Variants in KCNMA1 observed in about 807,000 individuals in gnomAD.
The protein encoded by KCNMA1 is potassium calcium-activated channel subfamily M alpha 1.
In KCNMA1, 29 loss-of-function variants were observed where a neutral mutation model predicts 140.0. The ratio of observed to expected loss-of-function variants is 0.21; its 90% CI spans 0.15 to 0.28. The LOEUF (loss-of-function observed/expected upper bound fraction) is 0.28. KCNMA1 is among the 10% of genes least tolerant of loss of function. The pLI is 1.00. For synonymous variants in KCNMA1, 612 were observed against 611.9 expected (o/e 1.00, Z 0.00); for missense variants, 880 against 1,602.2 (o/e 0.55, Z 7.70).
intron 14 of KCNMA1, among the ~76,000 whole-genome samples, chr10:77,044,318 A>G (rs759176398): frequency 6.6e-6 from 1 of 152,070 alleles, no homozygotes; most frequent in African/African-American, 2.4e-5. Context: ...AAAAGTGTAC[A>G]TTTCTCATAC....
At chr10:77,630,289 A>G (rs2093028280) in intron 1 of KCNMA1, among the ~76,000 whole-genome samples, 1 of 152,162 alleles carries the variant, frequency 6.6e-6, no homozygotes, top group Admixed American at 6.5e-5. Flanking sequence ...GCAAGGAGGT[A>G]GTTTGGCTGG....
chr10:76,885,304 T>C lies in KCNMA1; in HGVS notation c.*1962A>G, dbSNP rs1203793146. ...GTTATACATAATATAAATCAATATA[T>C]AGAGGGACAAAAATAATTTGAAAAA... On this transcript the variant is annotated 3_prime_UTR_variant, in exon 28 of 28. Transcript: ENST00000286628. The C allele has an allele frequency of 6.0e-6, 5 of 833,692 alleles. No individual in the cohort carries two copies. The highest frequency in any genetic ancestry group is 5.8e-6 in the Non-Finnish European group (4 of 693,524). The allele number at this position is 833,692 out of a possible 1,614,324, so 51.6% of individuals were successfully genotyped here.
chr10:76,877,270 T>G (rs868051972), downstream of KCNMA1: 5 of 155,582 alleles, frequency 3.2e-5, no homozygotes, highest in Admixed American at 3.2e-4. Context: ...CATGTATACA[T>G]CATTGGCCAT....
At chr10:77,350,880 C>T (rs918333499) in intron 2 of KCNMA1, 1 of 152,184 alleles carries the variant, frequency 6.6e-6, no homozygotes, top group African/African-American at 2.4e-5. Context: ...TCACCGGTGA[C>T]TCAGTGGTTG....
intron 3 of KCNMA1, among the ~76,000 whole-genome samples, chr10:77,218,285 G>GCCATTTAAA (rs768527745): frequency 2.0e-5 from 3 of 152,098 alleles, no homozygotes; most frequent in South Asian, 2.1e-4. Context: ...ACCCATACAG[G>GCCATTTAAA]CCATTTAAAC....
At chr10:77,529,589 A>G (rs891553918) in intron 1 of KCNMA1, among the ~76,000 whole-genome samples, 1 of 152,192 alleles carries the variant, frequency 6.6e-6, no homozygotes, top group African/African-American at 2.4e-5. Context: ...CAGAGAAATT[A>G]TATAAATAAC....
chr10:77,534,386 G>A (rs982480671), intron 1 of KCNMA1, among the ~76,000 whole-genome samples: 2 of 152,164 alleles, frequency 1.3e-5, no homozygotes, highest in African/African-American at 4.8e-5. Flanking sequence ...CAGAGCTAAA[G>A]AAGTTGAAAT....
chr10:77,130,131 G>T (rs1461868345), intron 5 of KCNMA1, among the ~76,000 whole-genome samples: 1 of 152,094 alleles, frequency 6.6e-6, no homozygotes, highest in African/African-American at 2.4e-5. Context: ...AAATAAAGTA[G>T]AAATGGCCCT....
chr10:77,324,129 T>G (rs1458068496), intron 2 of KCNMA1, among the ~76,000 whole-genome samples: 1 of 152,198 alleles, frequency 6.6e-6, no homozygotes, highest in African/African-American at 2.4e-5. Flanking sequence ...TGCAAGCCAC[T>G]GTGGGCTACT....
rs2037166800 is a variant in KCNMA1, at chr10:76,886,764, T to G, written c.*502A>C. The G allele has an allele frequency of 9.8e-7, 1 of 1,024,934 alleles. No homozygotes were observed. Among genetic ancestry groups the G allele is most frequent in the Non-Finnish European group, 1.2e-6 (1 of 853,244 alleles). 63.5% of individuals were successfully genotyped at this position (1,024,934 alleles called of 1,614,324 possible). ...CAGAGACTGGAAACAATCAATATGT[T>G]TTCATTGCTGTTTGGTTGCTTGTTT... On this transcript the variant is annotated 3_prime_UTR_variant, in exon 28 of 28. Coordinates refer to ENST00000286628, the MANE Select transcript of KCNMA1 (RefSeq NM_001161352.2).
At chr10:77,585,082 C>T (rs1365025836) in intron 1 of KCNMA1, among the ~76,000 whole-genome samples, 10 of 152,236 alleles carry the variant, frequency 6.6e-5, no homozygotes, top group Non-Finnish European at 1.5e-5. Context: ...CATAGCAGAT[C>T]TTTTGTACTT....
At chr10:76,924,498 A>C (rs1164209613) in intron 23 of KCNMA1, among the ~76,000 whole-genome samples, 1 of 152,138 alleles carries the variant, frequency 6.6e-6, no homozygotes. Context: ...AATGAAAAAA[A>C]TTTTTTAAAT....
chr10:77,597,895 C>G (rs1009675636), intron 1 of KCNMA1, among the ~76,000 whole-genome samples: 3 of 152,198 alleles, frequency 2.0e-5, no homozygotes, highest in Non-Finnish European at 4.4e-5. Context: ...CAGGGAGGAA[C>G]TTTATCCTGT....
At chr10:77,114,243 T>C (rs2097396078) in intron 6 of KCNMA1, among the ~76,000 whole-genome samples, 1 of 152,078 alleles carries the variant, frequency 6.6e-6, no homozygotes. Flanking sequence ...CATTTTGAGG[T>C]CCCTAAGAGC....
intron 5 of KCNMA1, among the ~76,000 whole-genome samples, chr10:77,178,345 G>T (rs926328736): frequency 2.0e-5 from 3 of 152,144 alleles, no homozygotes; most frequent in Admixed American, 2.0e-4. Flanking sequence ...TAGAAAACTG[G>T]CTGGTGAGTG....
At chr10:77,610,342 C>T (rs1485173205) in intron 1 of KCNMA1, among the ~76,000 whole-genome samples, 3 of 152,244 alleles carry the variant, frequency 2.0e-5, no homozygotes, top group African/African-American at 7.2e-5. Flanking sequence ...TTTCCCAGGG[C>T]TTCAGACAGT....
intron 18 of KCNMA1, among the ~76,000 whole-genome samples, chr10:77,002,818 G>T (rs552162447): frequency 6.6e-6 from 1 of 152,160 alleles, no homozygotes; most frequent in Non-Finnish European, 1.5e-5. Context: ...CTTCTCTCAC[G>T]AGGTGGGAGA....
At chr10:77,398,591 G>A (rs949278756) in intron 2 of KCNMA1, among the ~76,000 whole-genome samples, 5 of 152,114 alleles carry the variant, frequency 3.3e-5, no homozygotes, top group African/African-American at 1.2e-4. Flanking sequence ...ATGAATTCTG[G>A]ACATCAGGCC....
At chr10:77,502,987 C>G (rs1031711951) in intron 1 of KCNMA1, among the ~76,000 whole-genome samples, 2 of 152,168 alleles carry the variant, frequency 1.3e-5, no homozygotes, top group Non-Finnish European at 2.9e-5. Context: ...TGTGGCGGCA[C>G]ATGCCTGTAA....
Sources: allele counts gnomAD v4.1 joint callset (sites outside exome capture counted in the v4.1 genomes callset), GRCh38; gene constraint gnomAD v4.1.1; transcripts MANE v1.5; gene names NCBI Gene and HGNC (gene_info 2026-07-23, HGNC 2026-07-21).